Variants in CTSB observed in about 807,000 individuals in gnomAD.
CTSB encodes APP secretase.
A neutral mutation model predicts 44.3 loss-of-function variants in CTSB; 57 were observed. The observed-to-expected ratio is 1.29, with a 90% CI of 1.04 to 1.60. CTSB has a LOEUF of 1.60. Among genes scored for constraint, CTSB ranks in the 40% most tolerant of loss-of-function variants. CTSB has a pLI of 0.00. For missense variants in CTSB, 768 were observed against 443.0 expected (o/e 1.73, Z -6.59); for synonymous variants, 320 against 168.0 (o/e 1.91, Z -7.00).
chr8:11,845,815 C>A, intron 8 of CTSB, 26 bp from the exon 9 acceptor site: 1 of 1,597,122 alleles, frequency 6.3e-7, no homozygotes, highest in Non-Finnish European at 8.6e-7. Flanking sequence ...CTGGCTGAGA[C>A]CGAGACCGGG....
At chr8:11,845,876 G>C (rs184556137) in intron 8 of CTSB, 87 bp from the exon 9 acceptor site, 3 of 1,445,114 alleles carry the variant, frequency 2.1e-6, no homozygotes, top group Non-Finnish European at 9.2e-7. Context: ...GTCATGCTCC[G>C]GGAAGGAGAA....
intron 3 of CTSB, among the ~76,000 whole-genome samples, chr8:11,851,671 T>C (rs1021917528): frequency 3.3e-5 from 5 of 152,106 alleles, no homozygotes; most frequent in African/African-American, 4.8e-5. Flanking sequence ...ATCATCCCCA[T>C]TGTGCAGAAG....
intron 5 of CTSB, chr8:11,848,732 G>GT: frequency 3.2e-6 from 1 of 309,234 alleles, no homozygotes; most frequent in East Asian, 7.4e-5. Flanking sequence ...CCCCAAACTG[G>GT]TTCCCCAAGC....
chr8:11,847,120 T>G lies in CTSB; in HGVS notation c.725A>C (p.Glu242Ala). Residue 242 changes from glutamate (E) to alanine (A), a missense_variant, in exon 8 of 10, where the codon GAG (glutamate) becomes GCG (alanine). Physicochemically the swap from Glu to Ala is moderately radical, Grantham distance 107 (BLOSUM62 -1). Coordinates refer to ENST00000353047, the MANE Select transcript of CTSB (RefSeq NM_001908.5). ...VSNSEKDIMA[E>A]IYKNGPVEGA... ...CTCCACGGGGCCGTTTTTGTAGATC[T>G]CGGCCATGATGTCCTTCTCGCTATT... 6.2e-7 allele frequency: 1 copy of G among 1,613,810 alleles called. No individual in the cohort carries two copies. Among genetic ancestry groups the G allele is most frequent in the South Asian group, 1.1e-5 (1 of 91,078 alleles).
intron 8 of CTSB, 33 bp from the exon 9 acceptor site, chr8:11,845,822 C>T (rs201611723): frequency 4.2e-5 from 67 of 1,588,440 alleles, no homozygotes; most frequent in African/African-American, 3.4e-4. Context: ...AGACCGAGAC[C>T]GGGCCACTGT....
At chr8:11,846,961 A>C in intron 8 of CTSB, 91 bp downstream of exon 8, 1 of 746,612 alleles carries the variant, frequency 1.3e-6, no homozygotes, top group Non-Finnish European at 2.4e-6. Context: ...TGCCTGCCCA[A>C]TCCAGCCCTA....
chr8:11,861,390 T>A (rs1816391943), intron 1 of CTSB: 1 of 152,394 alleles, frequency 6.6e-6, no homozygotes. Context: ...CACAGGTCCT[T>A]CCCCGTGCTG....
rs1240543648 is a variant in CTSB, at chr8:11,844,374, G to T, written c.*751C>A. 2 of 145,394 alleles carry T rather than the reference G, an allele frequency of 1.4e-5. No homozygotes were observed. Among genetic ancestry groups the T allele is most frequent in the African/African-American group, 4.9e-5 (2 of 40,966 alleles). 9.0% of individuals were successfully genotyped at this position (145,394 alleles called of 1,614,324 possible). On this transcript the variant is annotated 3_prime_UTR_variant, in exon 10 of 10. Transcript: ENST00000353047. The stretch of plus-strand genomic sequence containing the variant: ...GCATTCCTTGTTAACTTGACAGGGT[G>T]AAGCTGTAATTTTTCAAAAACAGTA...
rs966252445 is a variant in CTSB, at chr8:11,862,080, G to A, written c.-26+5921C>T. ...AAAATAGCCAGGCATGGTGGCAGGC[G>A]CCTGTAGTCCCAGCTACTCGGGAGG... On this transcript the variant is annotated intron_variant, in intron 1 of 9. Transcript: ENST00000353047. Among the ~76,000 whole-genome samples, 7 of 152,194 alleles carry A rather than the reference G, an allele frequency of 4.6e-5. No homozygotes were observed. In the East Asian group the frequency reaches 7.7e-4, roughly 17 times the overall value.
intron 1 of CTSB, chr8:11,858,045 C>G (rs1206090498): frequency 6.6e-6 from 1 of 152,180 alleles, no homozygotes; most frequent in Non-Finnish European, 1.5e-5. Context: ...CTGACCTTCC[C>G]CAAGCCTCAG....
In CTSB at chr8:11,853,322, A is replaced by T; in HGVS notation, c.126+7T>A. 1 of 1,613,312 alleles carries T rather than the reference A, an allele frequency of 6.2e-7. No individual in the cohort carries two copies. The highest frequency in any genetic ancestry group is 8.5e-7 in the Non-Finnish European group (1 of 1,179,772). The stretch of plus-strand genomic sequence containing the variant: ...GGACATACATAGGACGCAGCCCCAC[A>T]GCCTACCTGCCACGTGGTATTCCGT... On this transcript the variant is annotated splice_region_variant and intron_variant, in intron 2 of 9. Coordinates refer to ENST00000353047, the MANE Select transcript of CTSB (RefSeq NM_001908.5).
rs1817406179 is a variant in CTSB at position 11,867,878 on chromosome 8, G to A, written c.-26+123C>T. Reference sequence around the variant, plus strand: ...GTCCCGGCTCCCCGCCGGCCCCCAGGGACGCCGCGGGGCCGCGCCTGGGCC... The same window carrying A: ...GTCCCGGCTCCCCGCCGGCCCCCAGAGACGCCGCGGGGCCGCGCCTGGGCC... On this transcript the variant is annotated intron_variant, in intron 1 of 9. Transcript: ENST00000353047. The A allele has an allele frequency of 2.0e-5, 3 of 151,128 alleles. No homozygotes were observed. The South Asian group carries it at 6.4e-4, about 32-fold the overall frequency. The allele number at this position is 151,128 out of a possible 1,614,324, so 9.4% of individuals were successfully genotyped here.
At chr8:11,845,406 C>G (rs1055428517) in intron 9 of CTSB, among the ~76,000 whole-genome samples, 184 bp from the exon 10 acceptor site, 9 of 152,224 alleles carry the variant, frequency 5.9e-5, no homozygotes, top group African/African-American at 2.2e-4. Context: ...AAGCCCCCTG[C>G]CCGGTCACCC....
intron 1 of CTSB, chr8:11,861,226 G>C (rs1442836305): frequency 1.3e-5 from 2 of 152,412 alleles, no homozygotes; most frequent in Non-Finnish European, 2.9e-5. Flanking sequence ...TGCAGCTGTA[G>C]CCCCGAAGCA....
At chr8:11,865,670 G>A (rs928756307) in intron 1 of CTSB, 1 of 151,554 alleles carries the variant, frequency 6.6e-6, no homozygotes, top group Admixed American at 6.6e-5. Flanking sequence ...TATCTCGAAA[G>A]GACGGTATGT....
intron 1 of CTSB, chr8:11,867,619 G>A (rs888797598): frequency 6.6e-6 from 1 of 152,254 alleles, no homozygotes; most frequent in African/African-American, 2.4e-5. Context: ...CCCAGGCGCT[G>A]GGAGCGCGGT....
At position 11,846,912 on chromosome 8, in the gene CTSB, T is replaced by C. The variant is rs571037989; in HGVS notation, c.793+140A>G. 41 of 654,856 alleles carry C rather than the reference T, an allele frequency of 6.3e-5. No homozygotes were observed. In the East Asian group the frequency reaches 9.3e-4, roughly 15 times the overall value. The allele number at this position is 654,856 out of a possible 1,614,324, so 40.6% of individuals were successfully genotyped here. On this transcript the variant is annotated intron_variant, in intron 8 of 9. Coordinates refer to ENST00000353047, the MANE Select transcript of CTSB (RefSeq NM_001908.5). Reference sequence around the variant, plus strand: ...TGGTCCACAGAGGAGTGAGCCTATATGGAAGGCCCCACACAGCCCTCTTCC... The same window carrying C: ...TGGTCCACAGAGGAGTGAGCCTATACGGAAGGCCCCACACAGCCCTCTTCC...
chr8:11,850,564 C>T (rs1157150513), intron 4 of CTSB: 1 of 242,754 alleles, frequency 4.1e-6, no homozygotes, highest in Non-Finnish European at 8.0e-6. Context: ...TTTCTTGAAG[C>T]AGAGTAGCAG....
chr8:11,859,807 G>C (rs1255879876), intron 1 of CTSB, among the ~76,000 whole-genome samples: 2 of 138,126 alleles, frequency 1.4e-5, no homozygotes, highest in Non-Finnish European at 3.1e-5. Flanking sequence ...GGACACAATG[G>C]CTCACGCATG....
Sources: allele counts gnomAD v4.1 joint callset (sites outside exome capture counted in the v4.1 genomes callset), GRCh38; gene constraint gnomAD v4.1.1; transcripts MANE v1.5; gene names NCBI Gene and HGNC (gene_info 2026-07-23, HGNC 2026-07-21).